LHB: variants seen among roughly 807,000 people sequenced by gnomAD.
The protein encoded by LHB is lutropin subunit beta.
A neutral mutation model predicts 10.6 loss-of-function variants in LHB; 11 were observed. That is an observed-to-expected ratio of 1.04 (90% CI 0.66 to 1.72). The LOEUF is 1.72. Among genes scored for constraint, LHB ranks in the 40% most tolerant of loss-of-function variants. LHB has a pLI of 0.00. For synonymous variants in LHB, 86 were observed against 83.1 expected, an observed-to-expected ratio of 1.03 and a Z score of -0.19; for missense variants, 184 against 197.3, an observed-to-expected ratio of 0.93 and a Z score of 0.41.
At chr19:49,018,374 C>T, upstream of LHB, 1 of 1,203,556 alleles carries the variant, frequency 8.3e-7, no homozygotes, top group East Asian at 3.2e-5. Flanking sequence ...GAGGATACAG[C>T]TGGATCCTTG....
upstream of LHB, chr19:49,017,170 G>C: frequency 6.3e-7 from 1 of 1,595,068 alleles, no homozygotes; most frequent in Non-Finnish European, 8.6e-7. Context: ...AGGATGCTGG[G>C]GTAACCTGGA....
chr19:49,017,207 G>T (rs1600206391), upstream of LHB: 5 of 1,502,342 alleles, frequency 3.3e-6, no homozygotes, highest in Admixed American at 6.7e-5. Context: ...GGCGAGAGGT[G>T]CACATGGCCA....
Position 49,016,319 on chromosome 19 carries a change from C to T in LHB, c.184-9G>A, listed in dbSNP as rs375589266. ...GCCTGCAGCACGCGCATCTGGAGGC[C>T]GTGTGAGTGGGGGAATGAGCATGTG... On this transcript the variant is annotated splice_polypyrimidine_tract_variant and intron_variant, in intron 2 of 2. Transcript: ENST00000649238. The T allele has an allele frequency of 6.2e-7, 1 of 1,609,956 alleles. No individual in the cohort carries two copies. The highest frequency in any genetic ancestry group is 8.5e-7 in the Non-Finnish European group (1 of 1,179,726).
upstream of LHB, chr19:49,017,669 G>A (rs550102205): frequency 1.1e-4 from 80 of 748,456 alleles, no homozygotes; most frequent in African/African-American, 1.2e-3. Flanking sequence ...CAGGATGCCC[G>A]GAGCGTCCCC....
At chr19:49,016,986 A>T (rs1224834556) in intron 1 of LHB, 81 bp downstream of exon 1, 1 of 1,612,062 alleles carries the variant, frequency 6.2e-7, no homozygotes, top group African/African-American at 1.3e-5. Flanking sequence ...CTCCTTCCAC[A>T]GCTCACACGG....
At position 49,016,178 on chromosome 19, in the gene LHB, G is replaced by C; in HGVS notation, c.316C>G (p.Leu106Val). 6.2e-7 allele frequency: 1 copy of C among 1,612,676 alleles called. No individual in the cohort carries two copies. Among genetic ancestry groups the C allele is most frequent in the Non-Finnish European group, 8.5e-7 (1 of 1,179,984 alleles). The change falls in exon 3 of 3, where the codon CTC becomes GTC. Residue 106 changes from leucine to valine, a missense_variant. Coordinates refer to ENST00000649238, the MANE Select transcript of LHB (RefSeq NM_000894.3). ...CGGCAGGGTCCACAGCGACAGCTGA[G>C]AGCCACAGGGAAGGAGACCACGGGG... ...VDPVVSFPVA[L>V]SCRCGPCRRS... is the part of the protein sequence containing the mutation.
chr19:49,016,330 G>C lies in LHB; in HGVS notation c.184-20C>G. ...GCGCATCTGGAGGCCGTGTGAGTGG[G>C]GGAATGAGCATGTGCCTGAGGCCAG... is the stretch of plus-strand genomic sequence containing the variant. On this transcript the variant is annotated intron_variant, in intron 2 of 2. Transcript: ENST00000649238. The C allele has an allele frequency of 6.2e-7, 1 of 1,609,132 alleles. No individual in the cohort carries two copies.
At chr19:49,018,914 G>T (rs1439643725), upstream of LHB, 13 of 1,534,446 alleles carry the variant, frequency 8.5e-6, no homozygotes, top group African/African-American at 1.4e-5. Context: ...TGGTCAGATA[G>T]AGCTGGCGGC....
chr19:49,016,275 A>G lies in LHB; in HGVS notation c.219T>C (p.Pro73=), dbSNP rs1455671056. The change falls in exon 3 of 3, where the codon CCT becomes CCC. Residue 73 remains proline (P), a synonymous_variant. Transcript: ENST00000649238. ...RVLQAVLPPL[P]QVVCTYRDVR... ...CATCACGGTAGGTGCACACCACCTG[A>G]GGCAGGGGCGGCAGGACCGCCTGCA... is the stretch of plus-strand genomic sequence containing the variant. 1.2e-6 allele frequency: 2 copies of G among 1,611,946 alleles called. No individual in the cohort carries two copies. The highest frequency in any genetic ancestry group is 2.7e-5 in the African/African-American group (2 of 74,878).
At chr19:49,017,668 C>G (rs1600207080), upstream of LHB, 6 of 747,086 alleles carry the variant, frequency 8.0e-6, no homozygotes, top group Non-Finnish European at 7.1e-6. Context: ...CCAGGATGCC[C>G]GGAGCGTCCC....
chr19:49,016,724 G>A lies in LHB; in HGVS notation c.16-10C>T. The A allele has an allele frequency of 6.2e-7, 1 of 1,610,504 alleles. No individual in the cohort carries two copies. Among genetic ancestry groups the A allele is most frequent in the Non-Finnish European group, 8.5e-7 (1 of 1,179,764 alleles). ...GCAACAGCAGCAGCCCCTGGGACAA[G>A]GACACTGCTTCACCCAGGTCTGAGA... On this transcript the variant is annotated splice_polypyrimidine_tract_variant and intron_variant, in intron 1 of 2. Coordinates refer to ENST00000649238, the MANE Select transcript of LHB (RefSeq NM_000894.3).
upstream of LHB, chr19:49,018,127 G>A (rs1408765252): frequency 5.0e-6 from 2 of 399,696 alleles, no homozygotes; most frequent in African/African-American, 2.1e-5. Flanking sequence ...GCAGCAGGGG[G>A]CTGTAGGACT....
Position 49,016,310 on chromosome 19 carries a change from T to C in LHB, c.184A>G (p.Met62Val). 6.2e-7 allele frequency: 1 copy of C among 1,610,584 alleles called. No individual in the cohort carries two copies. Among genetic ancestry groups the C allele is most frequent in the African/African-American group, 1.3e-5 (1 of 74,956 alleles). The change falls in exon 3 of 3, where the codon ATG (methionine) becomes GTG (valine). Residue 62 changes from methionine to valine, a missense_variant and splice_region_variant. Met to Val is a conservative substitution (Grantham distance 21). Transcript: ENST00000649238. ...GGCAGGACCGCCTGCAGCACGCGCA[T>C]CTGGAGGCCGTGTGAGTGGGGGAAT... ...TICAGYCPTM[M>V]RVLQAVLPPL...
At chr19:49,016,994 C>G (rs879592432) in intron 1 of LHB, 73 bp downstream of exon 1, 74 of 1,612,308 alleles carry the variant, frequency 4.6e-5, no homozygotes, top group Middle Eastern at 2.0e-4. Flanking sequence ...ACAGCTCACA[C>G]GGGTCTGCCC....
chr19:49,019,368 T>C, upstream of LHB: 1 of 1,236,160 alleles, frequency 8.1e-7, no homozygotes, highest in Non-Finnish European at 1.0e-6. Context: ...AAGTTACCTC[T>C]CCCAACTCCC....
intron 1 of LHB, 92 bp from the exon 2 acceptor site, chr19:49,016,806 C>G: frequency 1.3e-6 from 2 of 1,598,424 alleles, no homozygotes; most frequent in Non-Finnish European, 1.7e-6. Context: ...CACAAAGACC[C>G]AGAGACCCTT....
At position 49,015,995 on chromosome 19, in the gene LHB, C is replaced by T. The variant is rs1252568176; in HGVS notation, c.*73G>A. ...ACCTCCAGAGTGCGGATTGAGAAGC[C>T]TTTATTGTGGGAGGATCGGGGTGTC... On this transcript the variant is annotated 3_prime_UTR_variant, in exon 3 of 3. Coordinates refer to ENST00000649238, the MANE Select transcript of LHB (RefSeq NM_000894.3). The T allele has an allele frequency of 9.9e-6, 16 of 1,614,170 alleles. No individual in the cohort carries two copies. The highest frequency in any genetic ancestry group is 1.3e-5 in the African/African-American group (1 of 75,042).
upstream of LHB, chr19:49,019,259 A>C: frequency 2.3e-6 from 3 of 1,296,184 alleles, no homozygotes; most frequent in African/African-American, 1.5e-5. Context: ...ACTCAAACCC[A>C]AGCCCCCAGC....
intron 1 of LHB, 72 bp downstream of exon 1, chr19:49,016,995 G>A: frequency 1.2e-6 from 2 of 1,612,528 alleles, no homozygotes; most frequent in Non-Finnish European, 8.5e-7. Context: ...CAGCTCACAC[G>A]GGTCTGCCCC....
Sources: gnomAD v4.1 joint callset for allele counts on GRCh38, gnomAD v4.1.1 for gene constraint, MANE v1.5 for transcripts, NCBI Gene and HGNC (gene_info 2026-07-23, HGNC 2026-07-21) for gene names.